GALNT2: variants seen among roughly 807,000 people sequenced by gnomAD.
GALNT2 encodes UDP-GalNAc:polypeptide N-acetylgalactosaminyltransferase 2.
Under a neutral mutation model 81.4 loss-of-function variants are expected in GALNT2, and 31 were observed. The ratio of observed to expected loss-of-function variants is 0.38; its 90% CI spans 0.29 to 0.51. The LOEUF is 0.51. Ranked by LOEUF, GALNT2 falls within the 20% of genes least tolerant of loss-of-function variation. The probability of loss-of-function intolerance (pLI) is 0.87; values close to 1 mark genes in which losing one functional copy is unlikely to be tolerated. For missense variants in GALNT2, 629 were observed against 765.7 expected, an observed-to-expected ratio of 0.82 and a Z score of 2.11; for synonymous variants, 303 against 287.4, an observed-to-expected ratio of 1.05 and a Z score of -0.55.
chr1:230,187,226 G>A (rs1033251788), intron 2 of GALNT2, among the ~76,000 whole-genome samples: 6 of 152,146 alleles, frequency 3.9e-5, no homozygotes, highest in African/African-American at 9.7e-5. Flanking sequence ...TTTTCTGATC[G>A]CACACTCTAT....
intron 2 of GALNT2, among the ~76,000 whole-genome samples, chr1:230,190,196 G>A (rs1364113873): frequency 6.6e-6 from 1 of 152,192 alleles, no homozygotes; most frequent in Non-Finnish European, 1.5e-5. Context: ...ATTCAGATAA[G>A]CAAAAATAAG....
At chr1:230,108,230 G>T (rs1660598272) in intron 1 of GALNT2, among the ~76,000 whole-genome samples, 1 of 152,186 alleles carries the variant, frequency 6.6e-6, no homozygotes, top group Admixed American at 6.5e-5. Flanking sequence ...GGGCATACAA[G>T]CAAGCTCATA....
intron 3 of GALNT2, among the ~76,000 whole-genome samples, chr1:230,208,862 T>C (rs897103275): frequency 6.6e-6 from 1 of 151,272 alleles, no homozygotes; most frequent in Non-Finnish European, 1.5e-5. Flanking sequence ...AATGTGGGGG[T>C]GGAGGATCGG....
chr1:230,260,835 C>T (rs751515457), intron 11 of GALNT2, among the ~76,000 whole-genome samples: 2 of 152,152 alleles, frequency 1.3e-5, no homozygotes, highest in Non-Finnish European at 2.9e-5. Flanking sequence ...CCAGTTGTGC[C>T]ATAACACTCT....
chr1:230,206,519 A>G (rs1048297495), intron 3 of GALNT2, among the ~76,000 whole-genome samples: 1 of 152,194 alleles, frequency 6.6e-6, no homozygotes, highest in Non-Finnish European at 1.5e-5. Context: ...CTCAAAGTGT[A>G]AGCTCTAGAA....
At chr1:230,194,557 A>T (rs1663627788) in intron 2 of GALNT2, among the ~76,000 whole-genome samples, 1 of 152,226 alleles carries the variant, frequency 6.6e-6, no homozygotes, top group Non-Finnish European at 1.5e-5. Context: ...GGAAGGCCTT[A>T]GGGCCATCAG....
chr1:230,058,416 C>A (rs1295464389), intron 1 of GALNT2, among the ~76,000 whole-genome samples: 1 of 152,164 alleles, frequency 6.6e-6, no homozygotes, highest in Non-Finnish European at 1.5e-5. Flanking sequence ...CGCTTTCCTG[C>A]CCCACCCTCT....
chr1:230,245,950 G>A (rs1198735982), intron 7 of GALNT2, 113 bp from the exon 8 acceptor site: 1 of 848,020 alleles, frequency 1.2e-6, no homozygotes, highest in Non-Finnish European at 2.0e-6. Flanking sequence ...GTAGTAGGTA[G>A]TAAGGGCCAG....
In GALNT2 at chr1:230,236,277, T is replaced by C. The variant is rs1665027814; in HGVS notation, c.474-76T>C. 5 of 1,477,758 alleles carry C rather than the reference T, an allele frequency of 3.4e-6. No homozygotes were observed. The South Asian group carries it at 4.7e-5, about 14-fold the overall frequency. The allele number at this position is 1,477,758 out of a possible 1,614,324, so 91.5% of individuals were successfully genotyped here. ...CCAACCAAGGGTTAGGACCAACATA[T>C]GAGAATTTTCTACCCCAGGCTAAAA... On this transcript the variant is annotated intron_variant, in intron 4 of 15. Transcript: ENST00000366672.
chr1:230,228,815 G>T (rs1243393394), intron 3 of GALNT2, among the ~76,000 whole-genome samples: 1 of 152,072 alleles, frequency 6.6e-6, no homozygotes, highest in Non-Finnish European at 1.5e-5. Context: ...AGCTCTTCAA[G>T]TTCCATGAAA....
chr1:230,227,535 A>G (rs1664751566), intron 3 of GALNT2, among the ~76,000 whole-genome samples: 1 of 149,444 alleles, frequency 6.7e-6, no homozygotes, highest in African/African-American at 2.5e-5. Context: ...TAATACAGCT[A>G]TATATATATA....
intron 1 of GALNT2, among the ~76,000 whole-genome samples, chr1:230,075,291 G>T (rs1288273554): frequency 6.7e-6 from 1 of 148,208 alleles, no homozygotes; most frequent in Non-Finnish European, 1.5e-5. Context: ...ATGCCCAGCT[G>T]ATTTTTGTAT....
At chr1:230,087,485 G>A (rs564495507) in intron 1 of GALNT2, among the ~76,000 whole-genome samples, 13 of 152,098 alleles carry the variant, frequency 8.5e-5, no homozygotes, top group East Asian at 1.9e-4. Flanking sequence ...CTGCCAGCCC[G>A]CACTGTTAAC....
At position 230,216,776 on chromosome 1, in the gene GALNT2, T is replaced by C. The variant is rs115982709; in HGVS notation, c.374+13486T>C. 7.2e-3 allele frequency among the ~76,000 whole-genome samples: 1,101 copies of C among 152,274 alleles called. 5 individuals are homozygous for C. The highest frequency in any genetic ancestry group is 9.1e-3 in the Non-Finnish European group (622 of 68,020). ...TAATGGTAGAACCTATGAGGGCCCA[T>C]AATCTCCACTGCCATCTGTAAAATT... On this transcript the variant is annotated intron_variant, in intron 3 of 15. Coordinates refer to ENST00000366672, the MANE Select transcript of GALNT2 (RefSeq NM_004481.5).
chr1:230,171,225 G>GA (rs1662780977), intron 1 of GALNT2, among the ~76,000 whole-genome samples: 1 of 152,186 alleles, frequency 6.6e-6, no homozygotes, highest in Non-Finnish European at 1.5e-5. Flanking sequence ...TCTTTAGCGG[G>GA]AAACTAAGTC....
intron 2 of GALNT2, among the ~76,000 whole-genome samples, chr1:230,201,630 C>T (rs1663895211): frequency 1.3e-5 from 2 of 152,190 alleles, no homozygotes; most frequent in South Asian, 4.1e-4. Context: ...TGCAAAAGAG[C>T]TGTCTCCCCC....
chr1:230,147,435 A>G (rs1345150388), intron 1 of GALNT2, among the ~76,000 whole-genome samples: 2 of 152,198 alleles, frequency 1.3e-5, no homozygotes, highest in African/African-American at 4.8e-5. Context: ...CTCTTGGCCA[A>G]CATTCCTAGA....
chr1:230,213,537 C>T (rs1367321990), intron 3 of GALNT2, among the ~76,000 whole-genome samples: 1 of 152,178 alleles, frequency 6.6e-6, no homozygotes, highest in Non-Finnish European at 1.5e-5. Context: ...AGTGTATCTT[C>T]TGTAAGTAGC....
At chr1:230,161,147 G>A (rs542636135) in intron 1 of GALNT2, among the ~76,000 whole-genome samples, 23 of 152,188 alleles carry the variant, frequency 1.5e-4, no homozygotes, top group African/African-American at 5.3e-4. Flanking sequence ...CTGTCTGGGC[G>A]GTCCTTTTGC....
Sources: gnomAD v4.1 joint callset for allele counts (sites outside exome capture counted in the v4.1 genomes callset) on GRCh38, gnomAD v4.1.1 for gene constraint, MANE v1.5 for transcripts, NCBI Gene and HGNC (gene_info 2026-07-23, HGNC 2026-07-21) for gene names.